FNTB: variants seen among roughly 807,000 people sequenced by gnomAD.
FNTB encodes protein farnesyltransferase subunit beta.
FNTB carries 27 observed loss-of-function variants against 59.4 expected under a neutral mutation model. That is an observed-to-expected ratio of 0.45 (90% CI 0.34 to 0.63). The LOEUF is 0.63. FNTB is among the 20% of genes least tolerant of loss of function. FNTB has a pLI of 0.02. For missense variants in FNTB, 449 were observed against 559.6 expected, an observed-to-expected ratio of 0.80 and a Z score of 1.99; for synonymous variants, 230 against 220.7, an observed-to-expected ratio of 1.04 and a Z score of -0.37.
rs1162921264 is a variant in FNTB at position 65,004,369 on chromosome 14, C to G, written c.209+56C>G. Reference sequence around the variant, plus strand: ...TGGGAGAACACCACCATGCAGCAGCCTTTCTTCTTTCCTCCTTGAGCGAAT... The same window carrying G: ...TGGGAGAACACCACCATGCAGCAGCGTTTCTTCTTTCCTCCTTGAGCGAAT... On this transcript the variant is annotated intron_variant, in intron 2 of 11. Coordinates refer to ENST00000246166, the MANE Select transcript of FNTB (RefSeq NM_002028.4). The G allele has an allele frequency of 7.7e-6, 12 of 1,560,512 alleles. No homozygotes were observed. In the Admixed American group the frequency reaches 1.6e-4, roughly 21 times the overall value.
intron 9 of FNTB, among the ~76,000 whole-genome samples, chr14:65,051,956 G>A (rs1281142289): frequency 3.3e-5 from 5 of 151,550 alleles, no homozygotes; most frequent in Admixed American, 6.6e-5. Context: ...CACCATGTCC[G>A]GCTAATTTTT....
intron 4 of FNTB, chr14:65,022,118 A>G (rs1040034123): frequency 6.6e-6 from 3 of 454,770 alleles, no homozygotes; most frequent in Non-Finnish European, 4.4e-6. Context: ...TATTCTACCT[A>G]GGGAAGGAGA....
At chr14:64,987,400 G>A (rs1338479550) in intron 1 of FNTB, 6 of 452,750 alleles carry the variant, frequency 1.3e-5, no homozygotes, top group South Asian at 1.2e-4. Context: ...GAGGCAGCCC[G>A]TGCGGGTCGG....
intron 1 of FNTB, 139 bp from the exon 2 acceptor site, chr14:65,004,110 C>G: frequency 1.3e-6 from 1 of 780,146 alleles, no homozygotes; most frequent in South Asian, 2.1e-5. Flanking sequence ...TCCTGCAGAA[C>G]CCATCTTACA....
chr14:65,051,791 A>G (rs1429063135), intron 9 of FNTB, among the ~76,000 whole-genome samples: 1 of 149,638 alleles, frequency 6.7e-6, no homozygotes, highest in Admixed American at 6.8e-5. Context: ...AATTTTCACC[A>G]TAGGAATTTT....
chr14:65,016,615 C>G (rs1055478477), intron 4 of FNTB: 6 of 152,308 alleles, frequency 3.9e-5, no homozygotes, highest in Non-Finnish European at 7.3e-5. Context: ...GAGCCCCTGC[C>G]TCAGTCACAT....
intron 9 of FNTB, among the ~76,000 whole-genome samples, chr14:65,051,455 A>G (rs1357233140): frequency 6.6e-6 from 1 of 152,054 alleles, no homozygotes; most frequent in Non-Finnish European, 1.5e-5. Context: ...TACTAAAAAT[A>G]CAAGAATTAG....
chr14:65,052,364 A>G (rs2062635576), intron 9 of FNTB, among the ~76,000 whole-genome samples: 1 of 152,308 alleles, frequency 6.6e-6, no homozygotes, highest in Admixed American at 6.5e-5. Context: ...CCATTTACCA[A>G]TTGTTGGGCA....
In FNTB at chr14:65,044,182, A is replaced by G. The variant is rs2062423785; in HGVS notation, c.823-129A>G. 3 of 1,523,920 alleles carry G rather than the reference A, an allele frequency of 2.0e-6. No individual in the cohort carries two copies. The highest frequency in any genetic ancestry group is 1.8e-6 in the Non-Finnish European group (2 of 1,119,596). 94.4% of individuals were successfully genotyped at this position (1,523,920 alleles called of 1,614,324 possible). ...GGGAAGGAAAGAAAACCAGAGCACC[A>G]AAACTAGAGTGCCAAGAAGCCACAA... On this transcript the variant is annotated intron_variant, in intron 8 of 11. Transcript: ENST00000246166. The surrounding 1 kb of genome is among the most constrained non-coding windows in gnomAD (Gnocchi z 5.5).
In FNTB at chr14:65,015,670, A is replaced by G. The variant is rs774066162; in HGVS notation, c.328A>G (p.Ser110Gly). ...RPWLCYWILH[S>G]LELLDEPIPQ... The stretch of plus-strand genomic sequence containing the variant: ...ATGGCTCTGCTATTGGATCCTGCAC[A>G]GCTTGGAACTGCTAGATGAACCCAT... The change falls in exon 4 of 12, where the codon AGC (serine) becomes GGC (glycine). Residue 110 changes from serine (S) to glycine (G), a missense_variant. By Grantham distance (56) the Ser-to-Gly change is moderately conservative. Transcript: ENST00000246166. 1.8e-5 allele frequency: 29 copies of G among 1,614,030 alleles called. No homozygotes were observed. The highest frequency in any genetic ancestry group is 2.5e-5 in the Non-Finnish European group (29 of 1,180,020).
In FNTB at chr14:65,030,683, T is replaced by C. The variant is rs1318077765; in HGVS notation, c.606-1927T>C. On this transcript the variant is annotated intron_variant, in intron 6 of 11. Transcript: ENST00000246166. The surrounding 1 kb of genome is among the most constrained non-coding windows in gnomAD (Gnocchi z 4.5). ...TGAGCCCAGGAGTTTGAGGTTGCAG[T>C]GAGCCATGATAGCGCCACTGCACTG... 6.6e-6 allele frequency among the ~76,000 whole-genome samples: 1 copy of C among 151,580 alleles called. No homozygotes were observed. The highest frequency in any genetic ancestry group is 1.5e-5 in the Non-Finnish European group (1 of 67,920).
At position 64,986,970 on chromosome 14, in the gene FNTB, C is replaced by T. The variant is rs778887316; in HGVS notation, c.17C>T (p.Ser6Phe). Residue 6 changes from serine (S) to phenylalanine (F), a missense_variant, in exon 1 of 12, where the codon TCT (serine) becomes TTT (phenylalanine). Around this residue, in one of 2 missense-constraint regions of FNTB, gnomAD observed 112 missense variants for 80.5 expected, o/e 1.39. Transcript: ENST00000246166. MASPS[S>F]FTYYCPPSSS... Reference sequence around the variant, plus strand: ...CTCCTGATCATGGCTTCTCCGAGTTCTTTCACCTACTATTGCCCTCCATCT... The same window carrying T: ...CTCCTGATCATGGCTTCTCCGAGTTTTTTCACCTACTATTGCCCTCCATCT... The T allele has an allele frequency of 1.2e-6, 2 of 1,614,262 alleles. No homozygotes were observed. Among genetic ancestry groups the T allele is most frequent in the Admixed American group, 3.3e-5 (2 of 60,036 alleles).
chr14:65,043,860 A>AG (rs2062413516), intron 8 of FNTB, among the ~76,000 whole-genome samples: 1 of 141,092 alleles, frequency 7.1e-6, no homozygotes, highest in African/African-American at 2.7e-5. Flanking sequence ...AAAAAAAAAA[A>AG]GAAATGTAGT....
At position 65,011,761 on chromosome 14, in the gene FNTB, C is replaced by T. The variant is rs994636539; in HGVS notation, c.210-556C>T. On this transcript the variant is annotated intron_variant, in intron 2 of 11. Coordinates refer to ENST00000246166, the MANE Select transcript of FNTB (RefSeq NM_002028.4). The surrounding 1 kb of genome is among the most constrained non-coding windows in gnomAD (Gnocchi z 4.0). ...AAGGACAGCGACTGGCTGCAGAACACGGTCCTCTGGCCAGGGCTGTGGGTC... is the reference window on the plus strand; with the variant it reads ...AAGGACAGCGACTGGCTGCAGAACATGGTCCTCTGGCCAGGGCTGTGGGTC... Among the ~76,000 whole-genome samples the T allele has an allele frequency of 5.9e-5, 9 of 152,180 alleles. No individual in the cohort carries two copies. Among genetic ancestry groups the T allele is most frequent in the South Asian group, 2.1e-4 (1 of 4,834 alleles).
rs774176500 is a variant in FNTB, at chr14:65,001,513, C to G, written c.145-2736C>G. ...AAGAAGGCGTCTCTCAGAATGTATC[C>G]CTGTAGTTAAGCTACTCGTGATTAT... On this transcript the variant is annotated intron_variant, in intron 1 of 11. Coordinates refer to ENST00000246166, the MANE Select transcript of FNTB (RefSeq NM_002028.4). The surrounding 1 kb of genome is among the most constrained non-coding windows in gnomAD (Gnocchi z 5.5). 6.6e-6 allele frequency among the ~76,000 whole-genome samples: 1 copy of G among 152,076 alleles called. No homozygotes were observed. The highest frequency in any genetic ancestry group is 2.4e-5 in the African/African-American group (1 of 41,380).
intron 7 of FNTB, among the ~76,000 whole-genome samples, chr14:65,039,624 C>G (rs2062297785): frequency 6.6e-6 from 1 of 152,000 alleles, no homozygotes; most frequent in Non-Finnish European, 1.5e-5. Flanking sequence ...AAAGGTTTCT[C>G]TATTCTACTA....
At chr14:65,021,941 C>T (rs1027800969) in intron 4 of FNTB, 25 of 455,920 alleles carry the variant, frequency 5.5e-5, no homozygotes, top group South Asian at 7.7e-5. Context: ...CCACTGCGCC[C>T]GGCCTATAGT....
At chr14:65,034,035 G>A (rs558519251) in intron 7 of FNTB, among the ~76,000 whole-genome samples, 8 of 152,262 alleles carry the variant, frequency 5.3e-5, no homozygotes, top group African/African-American at 1.7e-4. Flanking sequence ...TTTTTTGTAT[G>A]AGTTTCATTT....
intron 7 of FNTB, among the ~76,000 whole-genome samples, chr14:65,034,851 A>G (rs1366724348): frequency 6.6e-6 from 1 of 152,122 alleles, no homozygotes; most frequent in Non-Finnish European, 1.5e-5. Flanking sequence ...GTTGTGTCCT[A>G]GACATTGTGA....
Sources: gnomAD v4.1 joint callset for allele counts (sites outside exome capture counted in the v4.1 genomes callset) on GRCh38, gnomAD v4.1.1 for gene constraint, gnomAD v4.1.1 regional missense constraint, Gnocchi (gnomAD v3.1) non-coding constraint, MANE v1.5 for transcripts, NCBI Gene and HGNC (gene_info 2026-07-23, HGNC 2026-07-21) for gene names.